Variants in CDC27 observed in about 807,000 individuals in gnomAD.
The protein encoded by CDC27 is cell division cycle protein 27 homolog.
In CDC27, 27 loss-of-function variants were observed where a neutral mutation model predicts 109.7. The ratio of observed to expected loss-of-function variants is 0.25; its 90% confidence interval spans 0.18 to 0.34. The LOEUF (loss-of-function observed/expected upper bound fraction) is 0.34, where lower values mean the gene tolerates loss of function less well. CDC27 is among the 10% of genes least tolerant of loss of function. The pLI is 1.00. For synonymous variants in CDC27, 266 were observed against 333.9 expected (o/e 0.80, Z 2.22); for missense variants, 579 against 960.2 (o/e 0.60, Z 5.25).
chr17:47,121,974 G>T (rs547856123), intron 18 of CDC27, among the ~76,000 whole-genome samples: 112 of 152,030 alleles, frequency 7.4e-4, no homozygotes, highest in Admixed American at 1.4e-3. Context: ...CTGACCTCAG[G>T]TGATCCACCC....
intron 16 of CDC27, among the ~76,000 whole-genome samples, chr17:47,128,061 G>C (rs2062201430): frequency 6.6e-6 from 1 of 150,928 alleles, no homozygotes; most frequent in African/African-American, 2.4e-5. Flanking sequence ...GAGACAGAGT[G>C]TTGCTGTTGC....
intron 8 of CDC27, 91 bp from the exon 9 acceptor site, chr17:47,152,009 A>C (rs1233286858): frequency 1.6e-4 from 184 of 1,185,308 alleles, no homozygotes; most frequent in Non-Finnish European, 1.9e-4. Context: ...ACATTTTCTC[A>C]ATACAAGCAG....
At chr17:47,144,118 C>A in intron 9 of CDC27, 136 bp from the exon 10 acceptor site, 1 of 334,602 alleles carries the variant, frequency 3.0e-6, no homozygotes, top group Non-Finnish European at 5.3e-6. Context: ...TTGATCAGTT[C>A]TTTTCGTGGT....
chr17:47,187,612 T>C (rs2064493823), intron 1 of CDC27, among the ~76,000 whole-genome samples: 1 of 152,062 alleles, frequency 6.6e-6, no homozygotes, highest in Non-Finnish European at 1.5e-5. Context: ...TTCCATGCTT[T>C]TATAAAGTCT....
chr17:47,186,552 C>T (rs191623781), intron 1 of CDC27, among the ~76,000 whole-genome samples: 185 of 152,232 alleles, frequency 1.2e-3, no homozygotes, highest in African/African-American at 4.4e-3. Flanking sequence ...TCAAAAAGCT[C>T]TCACTGAAGT....
At chr17:47,155,000 C>T (rs947982323) in intron 7 of CDC27, 3 of 382,700 alleles carry the variant, frequency 7.8e-6, no homozygotes, top group Non-Finnish European at 1.4e-5. Flanking sequence ...AGGAACTAAA[C>T]TGAGCAACAA....
At chr17:47,185,662 A>T (rs1303405977) in intron 1 of CDC27, among the ~76,000 whole-genome samples, 1 of 152,126 alleles carries the variant, frequency 6.6e-6, no homozygotes, top group Non-Finnish European at 1.5e-5. Context: ...TCAGCCTCTG[A>T]AAGTGCTGGG....
In CDC27 at chr17:47,189,259, A is replaced by C; in HGVS notation, c.-87T>G. On this transcript the variant is annotated 5_prime_UTR_variant, in exon 1 of 19. Coordinates refer to ENST00000066544, the MANE Select transcript of CDC27 (RefSeq NM_001256.6). ...GGCCAGCCCCTGCTCATTTAAACTC[A>C]CCAGCGACCGTTACCGGGGGATGGG... 8.7e-5 allele frequency: 89 copies of C among 1,026,882 alleles called. No individual in the cohort carries two copies. The highest frequency in any genetic ancestry group is 2.0e-4 in the Middle Eastern group (1 of 4,930). The allele number at this position is 1,026,882 out of a possible 1,614,324, so 63.6% of individuals were successfully genotyped here.
chr17:47,179,274 A>G (rs1028403836), intron 2 of CDC27, among the ~76,000 whole-genome samples: 1 of 152,220 alleles, frequency 6.6e-6, no homozygotes, highest in African/African-American at 2.4e-5. Flanking sequence ...AACTGCTACT[A>G]GTGACATAGG....
In CDC27 at chr17:47,138,721, G is replaced by T. The variant is rs773903629; in HGVS notation, c.1704+18C>A. The stretch of plus-strand genomic sequence containing the variant: ...TCAAAAAGGTAACTATATAAGCAAA[G>T]TATTTTGGTTAACATACCTCTGGCG... On this transcript the variant is annotated intron_variant, in intron 13 of 18. Coordinates refer to ENST00000066544, the MANE Select transcript of CDC27 (RefSeq NM_001256.6). 8 of 1,585,468 alleles carry T rather than the reference G, an allele frequency of 5.0e-6. No individual in the cohort carries two copies. The highest frequency in any genetic ancestry group is 6.9e-6 in the Non-Finnish European group (8 of 1,158,500).
intron 12 of CDC27, 72 bp from the exon 13 acceptor site, chr17:47,138,963 T>TCCC (rs2062709925): frequency 9.1e-6 from 9 of 989,020 alleles, no homozygotes; most frequent in Non-Finnish European, 1.3e-5. Context: ...AAAGCCCTGG[T>TCCC]CATTATCTTC....
At chr17:47,173,353 T>C (rs1438554572) in intron 2 of CDC27, among the ~76,000 whole-genome samples, 1 of 150,530 alleles carries the variant, frequency 6.6e-6, no homozygotes, top group Non-Finnish European at 1.5e-5. Context: ...AGATGTATAG[T>C]AGTATTAGTG....
chr17:47,143,970 C>A lies in CDC27; in HGVS notation c.1083G>T (p.Gln361His). ...SSGPQTSTTP[Q>H]VLSPTITSPP... ...GAGATGTAATAGTGGGGCTCAATAC[C>A]TGAGGTGTTGTACTAAAAAAAAATT... Residue 361 changes from glutamine (Q) to histidine (H), a missense_variant, in exon 10 of 19, where the codon CAG (glutamine) becomes CAT (histidine). Coordinates refer to ENST00000066544, the MANE Select transcript of CDC27 (RefSeq NM_001256.6). 6.9e-7 allele frequency: 1 copy of A among 1,445,226 alleles called. No individual in the cohort carries two copies. The highest frequency in any genetic ancestry group is 1.7e-5 in the South Asian group (1 of 58,766). The allele number at this position is 1,445,226 out of a possible 1,614,324, so 89.5% of individuals were successfully genotyped here. A position where few individuals can be genotyped will look rare whatever the true frequency, so the allele number is the denominator to read the frequency against.
intron 4 of CDC27, among the ~76,000 whole-genome samples, chr17:47,165,303 C>A (rs186103048): frequency 4.6e-5 from 7 of 152,314 alleles, no homozygotes; most frequent in Non-Finnish European, 8.8e-5. Flanking sequence ...TACATTCCCA[C>A]CAGCAGTGTA....
intron 4 of CDC27, chr17:47,159,890 G>T: frequency 2.3e-6 from 1 of 435,374 alleles, no homozygotes; most frequent in South Asian, 1.7e-5. Flanking sequence ...CTTGGTGATG[G>T]GAATCTACTC....
At chr17:47,146,989 G>C (rs917784050) in intron 9 of CDC27, among the ~76,000 whole-genome samples, 1 of 152,184 alleles carries the variant, frequency 6.6e-6, no homozygotes, top group South Asian at 2.1e-4. Flanking sequence ...CTTGAGCCCA[G>C]GAGTTTGAGG....
intron 9 of CDC27, among the ~76,000 whole-genome samples, chr17:47,149,237 G>A (rs1215016704): frequency 6.6e-6 from 1 of 151,948 alleles, no homozygotes; most frequent in East Asian, 1.9e-4. Context: ...AAGGCCAGGT[G>A]CGGTGGGGCT....
chr17:47,170,314 CAGCCTT>C (rs1273850620), intron 3 of CDC27: 2 of 203,956 alleles, frequency 9.8e-6, no homozygotes, highest in Non-Finnish European at 2.0e-5. Context: ...CCTCTTGCAT[CAGCCTT>C]GTGAGTAGCT....
At chr17:47,151,074 G>A (rs941809931) in intron 9 of CDC27, among the ~76,000 whole-genome samples, 1 of 152,144 alleles carries the variant, frequency 6.6e-6, no homozygotes, top group Non-Finnish European at 1.5e-5. Context: ...TAGTCTATTT[G>A]TTTGACTCTA....
Sources: allele counts gnomAD v4.1 joint callset (sites outside exome capture counted in the v4.1 genomes callset), GRCh38; gene constraint gnomAD v4.1.1; transcripts MANE v1.5; gene names NCBI Gene and HGNC (gene_info 2026-07-23, HGNC 2026-07-21).